Variants in JAKMIP1 observed in about 807,000 individuals in gnomAD.
The protein encoded by JAKMIP1 is janus kinase and microtubule interacting protein 1.
A neutral mutation model predicts 113.0 loss-of-function variants in JAKMIP1; 33 were observed. The ratio of observed to expected loss-of-function variants is 0.29; its 90% CI spans 0.22 to 0.39. The LOEUF (loss-of-function observed/expected upper bound fraction) is 0.39, where lower values mean the gene tolerates loss of function less well. JAKMIP1 is among the 10% of genes least tolerant of loss of function. The probability of loss-of-function intolerance (pLI) is 1.00; values close to 1 mark genes in which losing one functional copy is unlikely to be tolerated. For missense variants in JAKMIP1, 813 were observed against 1,080.5 expected, an observed-to-expected ratio of 0.75 and a Z score of 3.47; for synonymous variants, 480 against 459.9, an observed-to-expected ratio of 1.04 and a Z score of -0.56.
intron 19 of JAKMIP1, among the ~76,000 whole-genome samples, chr4:6,035,035 G>T (rs1297579947): frequency 6.6e-6 from 1 of 152,168 alleles, no homozygotes; most frequent in East Asian, 1.9e-4. Flanking sequence ...TGGGGCTCTA[G>T]CCTGCCCTCC....
Position 6,036,098 on chromosome 4 carries a change from C to T in JAKMIP1, c.2185G>A (p.Asp729Asn), listed in dbSNP as rs1347669809. Residue 729 changes from aspartate to asparagine, a missense_variant, in exon 19 of 21, where the codon GAC (aspartate) becomes AAC (asparagine). Around this residue, in one of 2 missense-constraint regions of JAKMIP1, gnomAD observed 273 missense variants for 426.6 expected, o/e 0.64. Coordinates refer to ENST00000409021, the MANE Select transcript of JAKMIP1 (RefSeq NM_001099433.2). The part of the protein sequence containing the change: ...ALDQAYLKIQ[D>N]LEATLYTALQ... ...GCTGTGTACAGTGTGGCCTCCAGGT[C>T]TTGGATTTTCTGAGGACCCCAGATC... The T allele has an allele frequency of 5.8e-6, 9 of 1,549,302 alleles. No individual in the cohort carries two copies. The Middle Eastern group carries it at 1.2e-3, about 201-fold the overall frequency.
rs1052706867 is a variant in JAKMIP1, at chr4:6,116,917, G to A, written c.-147-3920C>T. ...TGGGGAGGGCAAACTGCCAGACCACGTGGGGGTTCTACACCAAGCACAGAG... is the reference window on the plus strand; with the variant it reads ...TGGGGAGGGCAAACTGCCAGACCACATGGGGGTTCTACACCAAGCACAGAG... On this transcript the variant is annotated intron_variant, in intron 1 of 20. Transcript: ENST00000409021. The surrounding 1 kb of genome is among the most constrained non-coding windows in gnomAD (Gnocchi z 5.1). Among the ~76,000 whole-genome samples the A allele has an allele frequency of 1.3e-5, 2 of 152,074 alleles. No individual in the cohort carries two copies. The highest frequency in any genetic ancestry group is 2.4e-5 in the African/African-American group (1 of 41,406).
At chr4:6,148,165 A>G (rs1721085236) in intron 1 of JAKMIP1, among the ~76,000 whole-genome samples, 1 of 152,200 alleles carries the variant, frequency 6.6e-6, no homozygotes, top group South Asian at 2.1e-4. Flanking sequence ...TGGGTAACAC[A>G]TACCTGCTAA....
intron 16 of JAKMIP1, among the ~76,000 whole-genome samples, chr4:6,043,902 C>T (rs1714664686): frequency 6.6e-6 from 1 of 152,088 alleles, no homozygotes; most frequent in Non-Finnish European, 1.5e-5. Context: ...CTCACAGCCT[C>T]ATCAGTCAGC....
intron 1 of JAKMIP1, among the ~76,000 whole-genome samples, chr4:6,146,742 G>T (rs1720909334): frequency 6.6e-6 from 1 of 152,174 alleles, no homozygotes; most frequent in Admixed American, 6.5e-5. Flanking sequence ...GCCTGCGGTG[G>T]GGCACAGATG....
intron 3 of JAKMIP1, among the ~76,000 whole-genome samples, chr4:6,102,287 A>G (rs1713169593): frequency 6.6e-6 from 1 of 152,250 alleles, no homozygotes. Context: ...GGGTCTTGCC[A>G]TGTTCTGAAT....
chr4:6,054,686 G>T, intron 12 of JAKMIP1: 1 of 455,298 alleles, frequency 2.2e-6, no homozygotes, highest in South Asian at 1.6e-5. Flanking sequence ...AAGTGACACC[G>T]CCTGCATCCC....
chr4:6,119,468 C>T (rs150989690), intron 1 of JAKMIP1, among the ~76,000 whole-genome samples: 9 of 151,780 alleles, frequency 5.9e-5, no homozygotes, highest in Middle Eastern at 3.4e-3. Flanking sequence ...CGCTTGAACC[C>T]GGGAGGTGGA....
intron 13 of JAKMIP1, among the ~76,000 whole-genome samples, chr4:6,053,264 T>A (rs1306297616): frequency 6.6e-6 from 1 of 152,234 alleles, no homozygotes; most frequent in African/African-American, 2.4e-5. Flanking sequence ...TTAGTATTCT[T>A]TCACTGAATC....
chr4:6,195,147 A>G (rs73200272), intron 1 of JAKMIP1, among the ~76,000 whole-genome samples: 2 of 152,200 alleles, frequency 1.3e-5, no homozygotes, highest in Non-Finnish European at 2.9e-5. Flanking sequence ...TGGGACAAGA[A>G]TAGCCGGTAA....
Position 6,143,644 on chromosome 4 carries a change from T to C in JAKMIP1, c.-147-30647A>G, listed in dbSNP as rs553700582. On this transcript the variant is annotated intron_variant, in intron 1 of 20. Coordinates refer to ENST00000409021, the MANE Select transcript of JAKMIP1 (RefSeq NM_001099433.2). The surrounding 1 kb of genome is among the most constrained non-coding windows in gnomAD (Gnocchi z 4.9). ...GTGAGATCCTTAGACCAGCAGCATC[T>C]GCATCAGCTGGGAGCTTGTTAGGAG... Among the ~76,000 whole-genome samples, 1 of 152,340 alleles carries C rather than the reference T, an allele frequency of 6.6e-6. No individual in the cohort carries two copies. Among genetic ancestry groups the C allele is most frequent in the South Asian group, 2.1e-4 (1 of 4,832 alleles).
Position 6,081,014 on chromosome 4 carries a change from C to CACACACACACACA in JAKMIP1, c.1101+594_1101+595insTGTGTGTGTGTGT, listed in dbSNP as rs1553821445. 7.9e-5 allele frequency among the ~76,000 whole-genome samples: 12 copies of CACACACACACACA among 151,332 alleles called. No individual in the cohort carries two copies. Among genetic ancestry groups the CACACACACACACA allele is most frequent in the East Asian group, 3.9e-4 (2 of 5,144 alleles). On this transcript the variant is annotated intron_variant, in intron 6 of 20. Transcript: ENST00000409021. This position sits in a 1 kb window ranked among gnomAD's most constrained non-coding sequence, Gnocchi z 4.6. ...ACACACACACACACACACACACACA[C>CACACACACACACA]CTGCATCTGCTACAGTGCAGACAGC...
intron 5 of JAKMIP1, among the ~76,000 whole-genome samples, chr4:6,084,441 C>G (rs550327636): frequency 6.6e-5 from 10 of 152,094 alleles, no homozygotes; most frequent in African/African-American, 1.9e-4. Flanking sequence ...TAAAGAGGGT[C>G]TCCATCATCA....
rs1728190007 is a variant in JAKMIP1 at position 6,199,303 on chromosome 4, GT to G, written c.-148+949del. 6.6e-6 allele frequency among the ~76,000 whole-genome samples: 1 copy of G among 152,238 alleles called. No homozygotes were observed. Among genetic ancestry groups the G allele is most frequent in the Non-Finnish European group, 1.5e-5 (1 of 68,044 alleles). ...CTTCAGGAGACCGGCGAGCTGGGGT[GT>G]GTGGGAGCGGGATGCTTCTAAGGCG... On this transcript the variant is annotated intron_variant, in intron 1 of 20. Transcript: ENST00000409021. The surrounding 1 kb of genome is among the most constrained non-coding windows in gnomAD (Gnocchi z 5.6).
intron 16 of JAKMIP1, among the ~76,000 whole-genome samples, chr4:6,045,538 T>C (rs530671781): frequency 2.0e-5 from 3 of 152,152 alleles, no homozygotes; most frequent in Non-Finnish European, 4.4e-5. Context: ...AGGCACATCA[T>C]AGGACATTCC....
chr4:6,112,800 G>A lies in JAKMIP1; in HGVS notation c.51C>T (p.Asp17=), dbSNP rs766389811. 1.5e-5 allele frequency: 24 copies of A among 1,613,938 alleles called. No individual in the cohort carries two copies. In the East Asian group the frequency reaches 2.2e-4, roughly 15 times the overall value. Residue 17 remains aspartate (D), a synonymous_variant, in exon 2 of 21, where the codon GAC becomes GAT. Coordinates refer to ENST00000409021, the MANE Select transcript of JAKMIP1 (RefSeq NM_001099433.2). ...SKGEKPEMET[D]AVQMANEELR... is the part of the protein sequence containing the mutation. ...GCTCCTCGTTGGCCATCTGCACCGCGTCCGTCTCCATCTCGGGCTTCTCGC... is the reference window on the plus strand; with the variant it reads ...GCTCCTCGTTGGCCATCTGCACCGCATCCGTCTCCATCTCGGGCTTCTCGC...
chr4:6,196,257 A>G (rs904753286), intron 1 of JAKMIP1, among the ~76,000 whole-genome samples: 1 of 151,776 alleles, frequency 6.6e-6, no homozygotes, highest in Non-Finnish European at 1.5e-5. Context: ...GACTGTGGCC[A>G]CTCCCTGCAA....
At position 6,088,546 on chromosome 4, in the gene JAKMIP1, A is replaced by G. The variant is rs1039297218; in HGVS notation, c.625-2917T>C. On this transcript the variant is annotated intron_variant, in intron 3 of 20. Transcript: ENST00000409021. The surrounding 1 kb of genome is among the most constrained non-coding windows in gnomAD (Gnocchi z 5.5). ...AAGTGAGACAGAGGGCTTCTGCCCC[A>G]GTCATCACAAGAAAGTTTCCTAGAA... Among the ~76,000 whole-genome samples the G allele has an allele frequency of 2.6e-5, 4 of 152,200 alleles. No homozygotes were observed. The highest frequency in any genetic ancestry group is 9.6e-5 in the African/African-American group (4 of 41,458).
chr4:6,105,694 C>G lies in JAKMIP1; in HGVS notation c.403G>C (p.Glu135Gln). ...GCCCTGCGCGCCTCCTCGCGCGCCT[C>G]GGTCAGCAGCGCCGTCTTGACCTTG... Reference protein sequence around the residue: ...ADKVKTALLTEAREEARRAFD... With the variant: ...ADKVKTALLTQAREEARRAFD... Residue 135 changes from glutamate (E) to glutamine (Q), a missense_variant, in exon 3 of 21, where the codon GAG becomes CAG. Coordinates refer to ENST00000409021, the MANE Select transcript of JAKMIP1 (RefSeq NM_001099433.2). 3 of 1,603,126 alleles carry G rather than the reference C, an allele frequency of 1.9e-6. No homozygotes were observed. Among genetic ancestry groups the G allele is most frequent in the Non-Finnish European group, 2.5e-6 (3 of 1,177,766 alleles).
Sources: gnomAD v4.1 joint callset for allele counts (sites outside exome capture counted in the v4.1 genomes callset) on GRCh38, gnomAD v4.1.1 for gene constraint, gnomAD v4.1.1 regional missense constraint, Gnocchi (gnomAD v3.1) non-coding constraint, MANE v1.5 for transcripts, NCBI Gene and HGNC (gene_info 2026-07-23, HGNC 2026-07-21) for gene names.